Variants in CCDC7 observed in about 807,000 individuals in gnomAD.
CCDC7 encodes coiled-coil domain containing 7, also known as coiled-coil domain-containing protein 7.
Under a neutral mutation model 196.9 loss-of-function variants are expected in CCDC7, and 183 were observed. The ratio of observed to expected loss-of-function variants is 0.93; its 90% CI spans 0.82 to 1.05. The LOEUF is 1.05. Among genes scored for constraint, CCDC7 ranks in the 50% least tolerant of loss-of-function variants. The probability of loss-of-function intolerance (pLI) is 0.00; values close to 1 mark genes in which losing one functional copy is unlikely to be tolerated. For synonymous variants in CCDC7, 525 were observed against 484.6 expected (o/e 1.08, Z -1.10); for missense variants, 1,540 against 1,482.2 (o/e 1.04, Z -0.64).
At position 32,804,997 on chromosome 10, in the gene CCDC7, A is replaced by G. The variant is rs200912156; in HGVS notation, c.3014-18A>G. 1.3e-5 allele frequency: 20 copies of G among 1,524,778 alleles called. No homozygotes were observed. Among genetic ancestry groups the G allele is most frequent in the Non-Finnish European group, 1.6e-5 (18 of 1,101,184 alleles). The allele number at this position is 1,524,778 out of a possible 1,614,324, so 94.5% of individuals were successfully genotyped here. On this transcript the variant is annotated intron_variant, in intron 29 of 41. Transcript: ENST00000639629. ...GGATTACCTCGCAAAGTATTTTTAA[A>G]TCCATCTATTTCTATAGAGACTGAT...
chr10:32,837,231 A>G (rs1348855001), intron 33 of CCDC7, among the ~76,000 whole-genome samples: 1 of 152,212 alleles, frequency 6.6e-6, no homozygotes, highest in African/African-American at 2.4e-5. Flanking sequence ...TTTACAAGAA[A>G]AAAACAAACA....
At chr10:32,564,886 A>T (rs547285368) in intron 13 of CCDC7, among the ~76,000 whole-genome samples, 2 of 152,204 alleles carry the variant, frequency 1.3e-5, no homozygotes, top group African/African-American at 4.8e-5. Context: ...CTGAGGCAGG[A>T]GGATGGCTTG....
At chr10:32,776,372 T>G (rs2080064305) in intron 28 of CCDC7, among the ~76,000 whole-genome samples, 1 of 152,154 alleles carries the variant, frequency 6.6e-6, no homozygotes, top group South Asian at 2.1e-4. Context: ...AATAATGGTT[T>G]TTTTTTTAAT....
chr10:32,712,336 A>T (rs2080970748), intron 25 of CCDC7, among the ~76,000 whole-genome samples: 1 of 152,200 alleles, frequency 6.6e-6, no homozygotes, highest in South Asian at 2.1e-4. Flanking sequence ...GACAATCATC[A>T]TCTCTGGAAT....
At chr10:32,690,069 C>G (rs2076913738) in intron 23 of CCDC7, among the ~76,000 whole-genome samples, 1 of 152,130 alleles carries the variant, frequency 6.6e-6, no homozygotes, top group African/African-American at 2.4e-5. Context: ...CAGAAAGGAT[C>G]AAAGCTTGGC....
At chr10:32,619,035 C>T (rs1036394813) in intron 18 of CCDC7, among the ~76,000 whole-genome samples, 2 of 151,914 alleles carry the variant, frequency 1.3e-5, no homozygotes, top group Non-Finnish European at 2.9e-5. Flanking sequence ...ATAATTGAAG[C>T]TTTTGAATGT....
intron 18 of CCDC7, among the ~76,000 whole-genome samples, chr10:32,604,379 A>G (rs1222055449): frequency 6.6e-6 from 1 of 152,094 alleles, no homozygotes; most frequent in South Asian, 2.1e-4. Context: ...TGATGCCTTC[A>G]ATTTGGCTCT....
At chr10:32,456,298 A>G in exon 3 of CCDC7, 3 of 1,573,406 alleles carry the variant, frequency 1.9e-6, no homozygotes, top group African/African-American at 1.3e-5. Context: ...CGCAATTTGC[A>G]GCTCAGCTAG....
chr10:32,676,334 C>G (rs2074965638), intron 21 of CCDC7, among the ~76,000 whole-genome samples: 1 of 151,824 alleles, frequency 6.6e-6, no homozygotes, highest in Non-Finnish European at 1.5e-5. Flanking sequence ...TCTAAAACAC[C>G]AAAAGCAATG....
chr10:32,694,845 T>TAA (rs2077508449), intron 23 of CCDC7, 34 bp from the exon 25 acceptor site: 1 of 1,283,102 alleles, frequency 7.8e-7, no homozygotes, highest in Non-Finnish European at 1.1e-6. Flanking sequence ...GGTCTGTTTT[T>TAA]CCATTAAGAG....
At chr10:32,676,367 A>G (rs538881395) in intron 21 of CCDC7, among the ~76,000 whole-genome samples, 1 of 152,046 alleles carries the variant, frequency 6.6e-6, no homozygotes, top group Non-Finnish European at 1.5e-5. Context: ...AAATTGACAA[A>G]TGGGATCTAA....
At chr10:32,600,946 T>A (rs2060932941) in intron 18 of CCDC7, among the ~76,000 whole-genome samples, 1 of 152,202 alleles carries the variant, frequency 6.6e-6, no homozygotes, top group Non-Finnish European at 1.5e-5. Flanking sequence ...ACATCTTAAT[T>A]TTCTCTTCCT....
chr10:32,518,645 A>C (rs1006266638), intron 11 of CCDC7, 140 bp downstream of exon 12: 13 of 643,016 alleles, frequency 2.0e-5, no homozygotes, highest in Middle Eastern at 4.9e-4. Context: ...TTTAAAAATA[A>C]AATTATGCCA....
intron 11 of CCDC7, among the ~76,000 whole-genome samples, chr10:32,538,174 G>A (rs2050825947): frequency 6.6e-6 from 1 of 152,086 alleles, no homozygotes; most frequent in Non-Finnish European, 1.5e-5. Context: ...TTTGAGCAGT[G>A]TTTTAAAGTT....
At chr10:32,599,011 T>C (rs553944684) in intron 18 of CCDC7, among the ~76,000 whole-genome samples, 1 of 152,330 alleles carries the variant, frequency 6.6e-6, no homozygotes, top group East Asian at 1.9e-4. Flanking sequence ...AAGAAGAGTA[T>C]CTATATCTCC....
chr10:32,651,729 C>T (rs988852557), intron 20 of CCDC7, among the ~76,000 whole-genome samples: 1 of 152,066 alleles, frequency 6.6e-6, no homozygotes, highest in African/African-American at 2.4e-5. Flanking sequence ...TTGGGGCTGA[C>T]ACCTCTCTGG....
chr10:32,547,720 A>C (rs1281859966), intron 13 of CCDC7, among the ~76,000 whole-genome samples: 1 of 152,188 alleles, frequency 6.6e-6, no homozygotes, highest in Non-Finnish European at 1.5e-5. Context: ...CATCTCCTCA[A>C]GCACTTTTCA....
At chr10:32,507,391 T>C (rs1255099674) in intron 9 of CCDC7, among the ~76,000 whole-genome samples, 1 of 152,192 alleles carries the variant, frequency 6.6e-6, no homozygotes, top group Non-Finnish European at 1.5e-5. Flanking sequence ...TTGTTGGAGA[T>C]TTAATCAATT....
At chr10:32,756,556 A>T (rs1408784028) in intron 28 of CCDC7, among the ~76,000 whole-genome samples, 6 of 152,208 alleles carry the variant, frequency 3.9e-5, no homozygotes, top group African/African-American at 1.2e-4. Flanking sequence ...AAATGCTGAG[A>T]GATTTTGTCA....
Sources: allele counts gnomAD v4.1 joint callset (sites outside exome capture counted in the v4.1 genomes callset), GRCh38; gene constraint gnomAD v4.1.1; transcripts MANE v1.5; gene names NCBI Gene and HGNC (gene_info 2026-07-23, HGNC 2026-07-21).